IPP: variants seen among roughly 807,000 people sequenced by gnomAD.
The protein encoded by IPP is intracisternal A particle-promoted polypeptide, also known as actin-binding protein IPP.
A neutral mutation model predicts 64.1 loss-of-function variants in IPP; 41 were observed. That is an observed-to-expected ratio of 0.64 (90% CI 0.50 to 0.83). The LOEUF is 0.83. Among genes scored for constraint, IPP ranks in the 40% least tolerant of loss-of-function variants. The pLI is 0.00. For synonymous variants in IPP, 214 were observed against 235.2 expected (o/e 0.91, Z 0.83); for missense variants, 649 against 703.0 (o/e 0.92, Z 0.87).
intron 3 of IPP, among the ~76,000 whole-genome samples, chr1:45,739,759 T>G (rs1570041880): frequency 6.6e-6 from 1 of 152,116 alleles, no homozygotes; most frequent in South Asian, 2.1e-4. Flanking sequence ...TTTTTTTATT[T>G]TTAGTGTATG....
intron 3 of IPP, among the ~76,000 whole-genome samples, chr1:45,738,733 G>T (rs1377833750): frequency 6.6e-6 from 1 of 151,184 alleles, no homozygotes; most frequent in Non-Finnish European, 1.5e-5. Context: ...CCAGCTACTT[G>T]GGAGGCTGAG....
intron 5 of IPP, among the ~76,000 whole-genome samples, chr1:45,721,696 C>G (rs967150976): frequency 2.0e-5 from 3 of 152,212 alleles, no homozygotes; most frequent in Non-Finnish European, 2.9e-5. Context: ...CTTGGGAACC[C>G]TGATGCACCT....
At chr1:45,733,819 A>C (rs1645942570) in intron 3 of IPP, among the ~76,000 whole-genome samples, 1 of 151,774 alleles carries the variant, frequency 6.6e-6, no homozygotes. Context: ...GAGACAGAGT[A>C]AGACTCCGTC....
intron 3 of IPP, among the ~76,000 whole-genome samples, chr1:45,740,678 T>G (rs1323191482): frequency 1.3e-5 from 2 of 152,166 alleles, no homozygotes; most frequent in Non-Finnish European, 2.9e-5. Context: ...AAGAAAGATT[T>G]TGATAAAAAT....
intron 8 of IPP, among the ~76,000 whole-genome samples, chr1:45,702,416 C>T (rs1488408333): frequency 6.6e-6 from 1 of 151,880 alleles, no homozygotes; most frequent in Non-Finnish European, 1.5e-5. Flanking sequence ...ATTTCATATG[C>T]ATAAAAAACA....
rs1488136772 is a variant in IPP at position 45,709,651 on chromosome 1, C to G, written c.1530+4595G>C. Among the ~76,000 whole-genome samples the G allele has an allele frequency of 2.1e-5, 3 of 141,592 alleles. No homozygotes were observed. In the East Asian group the frequency reaches 6.4e-4, roughly 30 times the overall value. 92.9% of individuals were successfully genotyped at this position (141,592 alleles called of 152,430 possible). A position where few individuals can be genotyped will look rare whatever the true frequency, so the allele number is the denominator to read the frequency against. The stretch of plus-strand genomic sequence containing the variant: ...CGAGGTCAGGAGATCATGATGGAAC[C>G]CCATCTCTACTAAAAATACAAAAAA... On this transcript the variant is annotated intron_variant, in intron 8 of 8. Transcript: ENST00000396478.
chr1:45,701,614 C>T (rs1335621265), intron 8 of IPP, among the ~76,000 whole-genome samples: 1 of 152,150 alleles, frequency 6.6e-6, no homozygotes, highest in African/African-American at 2.4e-5. Context: ...TGAGGGAAAA[C>T]GTCCATACTC....
chr1:45,749,052 A>G (rs1646180071), intron 1 of IPP, among the ~76,000 whole-genome samples: 1 of 151,954 alleles, frequency 6.6e-6, no homozygotes, highest in South Asian at 2.1e-4. Context: ...TGGAACTATT[A>G]TCAACATGAC....
At chr1:45,748,477 G>C (rs1646170892) in intron 1 of IPP, among the ~76,000 whole-genome samples, 1 of 152,010 alleles carries the variant, frequency 6.6e-6, no homozygotes, top group Non-Finnish European at 1.5e-5. Flanking sequence ...AGACCAGTCT[G>C]GGCAACATGG....
chr1:45,734,785 AT>A (rs957025522), intron 3 of IPP, among the ~76,000 whole-genome samples: 1 of 149,576 alleles, frequency 6.7e-6, no homozygotes, highest in Non-Finnish European at 1.5e-5. Context: ...ACACCTGGCT[AT>A]TTTTTTTTCT....
intron 7 of IPP, among the ~76,000 whole-genome samples, chr1:45,715,072 G>T (rs1033570635): frequency 2.0e-5 from 3 of 151,804 alleles, no homozygotes; most frequent in African/African-American, 7.3e-5. Flanking sequence ...GTGTGTGCCT[G>T]CAGTCCCAGC....
downstream of IPP, among the ~76,000 whole-genome samples, chr1:45,695,503 C>T (rs543248307): frequency 1.4e-4 from 22 of 152,088 alleles, no homozygotes; most frequent in Non-Finnish European, 2.9e-4. Flanking sequence ...CTTAGATTTT[C>T]ACTTGAAAAC....
In IPP at chr1:45,720,418, T is replaced by C. The variant is rs1244605066; in HGVS notation, c.1049-1078A>G. ...AGTCAATGTATCATGAAGATTTTTGTATTTAAAAAAAAGAGTCAATGTAAA... is the reference window on the plus strand; with the variant it reads ...AGTCAATGTATCATGAAGATTTTTGCATTTAAAAAAAAGAGTCAATGTAAA... On this transcript the variant is annotated intron_variant, in intron 5 of 8. Coordinates refer to ENST00000396478, the MANE Select transcript of IPP (RefSeq NM_005897.3). Among the ~76,000 whole-genome samples the C allele has an allele frequency of 2.0e-5, 3 of 152,182 alleles. No homozygotes were observed. The East Asian group carries it at 5.8e-4, about 29-fold the overall frequency.
chr1:45,699,674 T>C lies in IPP; in HGVS notation c.*292A>G. 9.1e-7 allele frequency: 1 copy of C among 1,095,828 alleles called. No individual in the cohort carries two copies. The highest frequency in any genetic ancestry group is 1.1e-6 in the Non-Finnish European group (1 of 889,454). 67.9% of individuals were successfully genotyped at this position (1,095,828 alleles called of 1,614,324 possible). A position where few individuals can be genotyped will look rare whatever the true frequency, so the allele number is the denominator to read the frequency against. On this transcript the variant is annotated 3_prime_UTR_variant, in exon 9 of 9. Coordinates refer to ENST00000396478, the MANE Select transcript of IPP (RefSeq NM_005897.3). Reference sequence around the variant, plus strand: ...AAATCATTCTTGAGTTTATTTTTTTTCTTTAAGAGACAGGATCTCATTCTG... The same window carrying C: ...AAATCATTCTTGAGTTTATTTTTTTCCTTTAAGAGACAGGATCTCATTCTG...
Position 45,699,351 on chromosome 1 carries a change from C to T in IPP, c.*615G>A, listed in dbSNP as rs539673725. 1 of 985,130 alleles carries T rather than the reference C, an allele frequency of 1.0e-6. No individual in the cohort carries two copies. The highest frequency in any genetic ancestry group is 1.1e-4 in the East Asian group (1 of 8,816). 61.0% of individuals were successfully genotyped at this position (985,130 alleles called of 1,614,324 possible). On this transcript the variant is annotated 3_prime_UTR_variant, in exon 9 of 9. Coordinates refer to ENST00000396478, the MANE Select transcript of IPP (RefSeq NM_005897.3). Reference sequence around the variant, plus strand: ...AACTATGGCCATGGAAAATTATGCTCTGGATATAATTGTGAATATAGAGGT... The same window carrying T: ...AACTATGGCCATGGAAAATTATGCTTTGGATATAATTGTGAATATAGAGGT...
chr1:45,748,024 AT>A (rs1646164640), intron 1 of IPP, among the ~76,000 whole-genome samples: 1 of 152,148 alleles, frequency 6.6e-6, no homozygotes, highest in African/African-American at 2.4e-5. Flanking sequence ...ATTTAAACTT[AT>A]CAAAGTCAAA....
In IPP at chr1:45,698,759, C is replaced by G. The variant is rs77751965; in HGVS notation, c.*1207G>C. 1 of 718,378 alleles carries G rather than the reference C, an allele frequency of 1.4e-6. No individual in the cohort carries two copies. Among genetic ancestry groups the G allele is most frequent in the African/African-American group, 2.0e-5 (1 of 48,900 alleles). 44.5% of individuals were successfully genotyped at this position (718,378 alleles called of 1,614,324 possible). ...TTTGAGACAGGTTCTCATGCTGTCA[C>G]CCAGGCCGGTGTGCAGTGGCACAAT... On this transcript the variant is annotated 3_prime_UTR_variant, in exon 9 of 9. Transcript: ENST00000396478.
At chr1:45,709,033 CAAAAAA>C (rs71058700) in intron 8 of IPP, among the ~76,000 whole-genome samples, 10 of 58,168 alleles carry the variant, frequency 1.7e-4, no homozygotes, top group African/African-American at 2.4e-4. Context: ...GACTCCATCT[CAAAAAA>C]AAAAAAAAAA....
chr1:45,740,921 C>G lies in IPP; in HGVS notation c.704G>C (p.Arg235Thr), dbSNP rs138397402. Residue 235 changes from arginine (R) to threonine (T), a missense_variant, in exon 3 of 9, where the codon AGA becomes ACA. Transcript: ENST00000396478. The stretch of plus-strand genomic sequence containing the variant: ...GTTACCTTCTATATACTTTAAAAGT[C>G]TCTGAGGAGGTAATAAAGGGAATCG... ...PIRFPLLPPQ[R>T]LLKYIEGVSD... is the part of the protein sequence containing the mutation. 6.3e-7 allele frequency: 1 copy of G among 1,598,934 alleles called. No individual in the cohort carries two copies. Among genetic ancestry groups the G allele is most frequent in the African/African-American group, 1.4e-5 (1 of 73,976 alleles).
Sources: gnomAD v4.1 joint callset for allele counts (sites outside exome capture counted in the v4.1 genomes callset) on GRCh38, gnomAD v4.1.1 for gene constraint, MANE v1.5 for transcripts, NCBI Gene and HGNC (gene_info 2026-07-23, HGNC 2026-07-21) for gene names.